HEXA: variants seen among roughly 807,000 people sequenced by gnomAD.
The protein encoded by HEXA is hexosaminidase subunit alpha, also known as beta-hexosaminidase subunit alpha.
A neutral mutation model predicts 73.3 loss-of-function variants in HEXA; 54 were observed. The observed-to-expected ratio is 0.74, with a 90% confidence interval of 0.59 to 0.92. The LOEUF (loss-of-function observed/expected upper bound fraction) is 0.92, where lower values mean the gene tolerates loss of function less well. Ranked by LOEUF, HEXA falls within the 40% of genes least tolerant of loss-of-function variation. HEXA has a pLI of 0.00. For missense variants in HEXA, 649 were observed against 653.0 expected (o/e 0.99, Z 0.07); for synonymous variants, 230 against 246.9 (o/e 0.93, Z 0.64).
At chr15:72,354,817 G>A (rs1252827209) in intron 3 of HEXA, 1 of 152,502 alleles carries the variant, frequency 6.6e-6, no homozygotes, top group Non-Finnish European at 1.5e-5. Flanking sequence ...GGCTAAGTCT[G>A]TATCTAGGCA....
intron 1 of HEXA, among the ~76,000 whole-genome samples, chr15:72,364,800 TTTTTAAG>T (rs2088894901): frequency 6.6e-6 from 1 of 151,894 alleles, no homozygotes; most frequent in Non-Finnish European, 1.5e-5. Flanking sequence ...TTTGTATTTC[TTTTTAAG>T]TTTTAATTTA....
At chr15:72,344,536 A>G (rs1370550489) in intron 13 of HEXA, among the ~76,000 whole-genome samples, 2 of 152,150 alleles carry the variant, frequency 1.3e-5, no homozygotes, top group Non-Finnish European at 2.9e-5. Flanking sequence ...TGCTGTAAAT[A>G]TGGTGGCACT....
At chr15:72,350,729 A>G in intron 6 of HEXA, 79 bp from the exon 7 acceptor site, 4 of 1,551,734 alleles carry the variant, frequency 2.6e-6, no homozygotes, top group Non-Finnish European at 3.5e-6. Flanking sequence ...TGCCCACAAG[A>G]CTCCCCAGAT....
At chr15:72,347,244 TGACACATAAACCCAGGGC>T (rs2088628577) in intron 10 of HEXA, among the ~76,000 whole-genome samples, 3 of 131,006 alleles carry the variant, frequency 2.3e-5, no homozygotes, top group Non-Finnish European at 5.0e-5. Context: ...ATAGAAACTC[TGACACATAAACCCAGGGC>T]TCATACCACA....
chr15:72,361,652 T>C (rs9806212), intron 1 of HEXA, among the ~76,000 whole-genome samples: 6,258 of 152,250 alleles, frequency 0.041, 349 homozygotes, highest in African/African-American at 0.12. Context: ...GAAATCTCCT[T>C]CTTCTACACC....
chr15:72,346,675 C>T lies in HEXA; in HGVS notation c.1182G>A (p.Glu394=), dbSNP rs777737367. The T allele has an allele frequency of 7.4e-6, 12 of 1,614,154 alleles. No homozygotes were observed. The highest frequency in any genetic ancestry group is 1.0e-5 in the Non-Finnish European group (12 of 1,180,040). Residue 394 remains glutamate (E), a synonymous_variant, in exon 11 of 14, where the codon GAG becomes GAA. Coordinates refer to ENST00000268097, the MANE Select transcript of HEXA (RefSeq NM_000520.6). ...CCTTCATATAGTTCACTGGAATATC[C>T]TCTCGCCACACCTGTATGATTGTGT... ...QPDTIIQVWR[E]DIPVNYMKEL...
intron 1 of HEXA, among the ~76,000 whole-genome samples, chr15:72,366,892 T>C (rs1392699957): frequency 2.0e-5 from 3 of 152,146 alleles, no homozygotes; most frequent in South Asian, 2.1e-4. Context: ...AAATCAAATT[T>C]ACTTTTCATG....
At chr15:72,366,985 C>A (rs1251192775) in intron 1 of HEXA, among the ~76,000 whole-genome samples, 1 of 151,900 alleles carries the variant, frequency 6.6e-6, no homozygotes, top group Non-Finnish European at 1.5e-5. Flanking sequence ...CTCCTGTTGC[C>A]CAGGCTGGAG....
intron 1 of HEXA, among the ~76,000 whole-genome samples, chr15:72,372,874 T>C (rs1448289164): frequency 6.6e-6 from 1 of 152,248 alleles, no homozygotes; most frequent in Non-Finnish European, 1.5e-5. Flanking sequence ...CATTCCACCC[T>C]GTAATCCCAG....
intron 7 of HEXA, chr15:72,350,267 C>G (rs2088677448): frequency 4.0e-6 from 2 of 503,074 alleles, no homozygotes; most frequent in East Asian, 7.5e-5. Flanking sequence ...ACTCTAGGCA[C>G]AACTACCTGC....
chr15:72,349,371 T>A lies in HEXA; in HGVS notation c.806-112A>T. The A allele has an allele frequency of 8.2e-6, 7 of 854,298 alleles. 1 individual carries two copies. In the South Asian group the frequency reaches 9.6e-5, roughly 12 times the overall value. 52.9% of individuals were successfully genotyped at this position (854,298 alleles called of 1,614,324 possible). On this transcript the variant is annotated intron_variant, in intron 7 of 13. Transcript: ENST00000268097. ...AGCAAGACAAGTGTATTCATAAACATCACACACATTTAGGTAGGCACACTT... is the reference window on the plus strand; with the variant it reads ...AGCAAGACAAGTGTATTCATAAACAACACACACATTTAGGTAGGCACACTT...
In HEXA at chr15:72,346,315, C is replaced by T; in HGVS notation, c.1341G>A (p.Glu447=). 1 of 1,613,780 alleles carries T rather than the reference C, an allele frequency of 6.2e-7. No individual in the cohort carries two copies. Among genetic ancestry groups the T allele is most frequent in the Non-Finnish European group, 8.5e-7 (1 of 1,179,758 alleles). ...CTCCACCAATCACCAGAGCCTTCTG[C>T]TCAGGGGTACCTGAGGGAAAACAAG... ...VEPLAFEGTP[E]QKALVIGGEA... The change falls in exon 12 of 14, where the codon GAG becomes GAA. Residue 447 remains glutamate (E), a synonymous_variant. Coordinates refer to ENST00000268097, the MANE Select transcript of HEXA (RefSeq NM_000520.6).
chr15:72,365,918 T>C (rs766757259), intron 1 of HEXA, among the ~76,000 whole-genome samples: 5 of 152,190 alleles, frequency 3.3e-5, no homozygotes, highest in Non-Finnish European at 7.3e-5. Flanking sequence ...TATAACCCCC[T>C]TTGCTCACTT....
At chr15:72,360,562 T>C (rs1461068131) in intron 1 of HEXA, 1 of 152,220 alleles carries the variant, frequency 6.6e-6, no homozygotes, top group African/African-American at 2.4e-5. Context: ...ATAAATTATT[T>C]CCCCTTTTCC....
chr15:72,350,616 G>T lies in HEXA; in HGVS notation c.707C>A (p.Ala236Glu). ...TTCAATGACCTCCTTCACATCCTGT[G>T]CTGTGTAGATGTGGGTGACAGGGTT... The part of the protein sequence containing the change: ...SYNPVTHIYT[A>E]QDVKEVIEYA... The change falls in exon 7 of 14, where the codon GCA becomes GAA. Residue 236 changes from alanine (A) to glutamate (E), a missense_variant. Coordinates refer to ENST00000268097, the MANE Select transcript of HEXA (RefSeq NM_000520.6). 3 of 1,614,054 alleles carry T rather than the reference G, an allele frequency of 1.9e-6. No individual in the cohort carries two copies. Among genetic ancestry groups the T allele is most frequent in the Non-Finnish European group, 2.5e-6 (3 of 1,179,926 alleles).
intron 1 of HEXA, among the ~76,000 whole-genome samples, chr15:72,361,138 G>T (rs1009441090): frequency 1.3e-5 from 2 of 152,162 alleles, no homozygotes; most frequent in Admixed American, 6.5e-5. Context: ...CCAGGGTGTT[G>T]TAAGTGCTGG....
At chr15:72,344,383 A>G (rs1215753350) in intron 13 of HEXA, among the ~76,000 whole-genome samples, 1 of 152,194 alleles carries the variant, frequency 6.6e-6, no homozygotes, top group East Asian at 1.9e-4. Flanking sequence ...TTGGAGATCC[A>G]GAAACGTTGG....
At chr15:72,349,740 T>C (rs567876565) in intron 7 of HEXA, among the ~76,000 whole-genome samples, 49 of 152,248 alleles carry the variant, frequency 3.2e-4, no homozygotes, top group Non-Finnish European at 6.5e-4. Flanking sequence ...TCACAAGATA[T>C]CTTCAGGGTT....
In HEXA at chr15:72,355,579, G is replaced by C. The variant is rs1437253103; in HGVS notation, c.392C>G (p.Thr131Ser). 1 of 1,609,190 alleles carries C rather than the reference G, an allele frequency of 6.2e-7. No individual in the cohort carries two copies. The stretch of plus-strand genomic sequence containing the variant: ...GTTACCTCGGAGAGCTCCCCAGACA[G>C]TCTCAGAGAGGAGTAAACACTGGTC... ...NDDQCLLLSE[T>S]VWGALRGLET... Residue 131 changes from threonine to serine, a missense_variant, in exon 3 of 14, where the codon ACT becomes AGT. Thr to Ser is a moderately conservative substitution (Grantham distance 58). Transcript: ENST00000268097.
Sources: gnomAD v4.1 joint callset for allele counts (sites outside exome capture counted in the v4.1 genomes callset) on GRCh38, gnomAD v4.1.1 for gene constraint, MANE v1.5 for transcripts, NCBI Gene and HGNC (gene_info 2026-07-23, HGNC 2026-07-21) for gene names.